LEKR1: variants seen among roughly 807,000 people sequenced by gnomAD.
LEKR1 encodes protein LEKR1.
In LEKR1, 59 loss-of-function variants were observed where a neutral mutation model predicts 72.4. The ratio of observed to expected loss-of-function variants is 0.82; its 90% CI spans 0.66 to 1.01. LEKR1 has a LOEUF of 1.01. Among genes scored for constraint, LEKR1 ranks in the 50% least tolerant of loss-of-function variants. The probability of loss-of-function intolerance (pLI) is 0.00; values close to 1 mark genes in which losing one functional copy is unlikely to be tolerated. For missense variants in LEKR1, 728 were observed against 759.2 expected, an observed-to-expected ratio of 0.96 and a Z score of 0.48; for synonymous variants, 257 against 263.2, an observed-to-expected ratio of 0.98 and a Z score of 0.23.
At chr3:156,834,034 GC>G (rs1160027391) in intron 2 of LEKR1, among the ~76,000 whole-genome samples, 1 of 151,648 alleles carries the variant, frequency 6.6e-6, no homozygotes, top group Non-Finnish European at 1.5e-5. Context: ...TTAATGTTAG[GC>G]CCAATTTTTT....
chr3:156,911,424 T>C (rs1723100061), intron 3 of LEKR1, among the ~76,000 whole-genome samples: 1 of 152,170 alleles, frequency 6.6e-6, no homozygotes. Flanking sequence ...GATGCATAGT[T>C]TGTGAATGTT....
chr3:157,010,876 C>A (rs141466468), intron 9 of LEKR1, among the ~76,000 whole-genome samples: 2 of 152,118 alleles, frequency 1.3e-5, no homozygotes, highest in East Asian at 3.9e-4. Flanking sequence ...TATATTGCAT[C>A]CCCGACATCA....
chr3:156,840,586 C>T (rs1372311533), intron 2 of LEKR1, among the ~76,000 whole-genome samples: 1 of 152,180 alleles, frequency 6.6e-6, no homozygotes, highest in Non-Finnish European at 1.5e-5. Flanking sequence ...AATTTGCAGT[C>T]AGCTCTCAGA....
chr3:157,040,998 C>A (rs1287667945), intron 12 of LEKR1, among the ~76,000 whole-genome samples: 1 of 152,170 alleles, frequency 6.6e-6, no homozygotes, highest in Non-Finnish European at 1.5e-5. Flanking sequence ...TAAAAATAAA[C>A]CACTCTTATA....
chr3:156,987,059 ATTG>A (rs1730757222), intron 7 of LEKR1, among the ~76,000 whole-genome samples: 1 of 151,646 alleles, frequency 6.6e-6, no homozygotes, highest in African/African-American at 2.4e-5. Flanking sequence ...ATTGTATTGT[ATTG>A]TATTGTATTG....
At chr3:156,966,523 G>A (rs958315939) in intron 6 of LEKR1, among the ~76,000 whole-genome samples, 42 of 152,168 alleles carry the variant, frequency 2.8e-4, no homozygotes, top group African/African-American at 8.0e-4. Context: ...ATGGAGCCTC[G>A]CTCATTGCTA....
intron 11 of LEKR1, among the ~76,000 whole-genome samples, chr3:157,027,817 G>A (rs1007626639): frequency 4.6e-5 from 7 of 151,630 alleles, no homozygotes; most frequent in African/African-American, 1.7e-4. Flanking sequence ...GCAAGACCCT[G>A]TCTCAAAAAA....
rs116825856 is a variant in LEKR1 at position 157,038,797 on chromosome 3, T to A, written c.1669-6543T>A. ...AGTTAGTAAGTACAGTATGTCCTCATAGATGTAGGGCAGCCTCCCCATGCA... is the reference window on the plus strand; with the variant it reads ...AGTTAGTAAGTACAGTATGTCCTCAAAGATGTAGGGCAGCCTCCCCATGCA... On this transcript the variant is annotated intron_variant, in intron 12 of 12. Coordinates refer to ENST00000356539, the MANE Select transcript of LEKR1 (RefSeq NM_001004316.3). Among the ~76,000 whole-genome samples the A allele has an allele frequency of 4.6e-4, 70 of 152,340 alleles. No homozygotes were observed. The South Asian group carries it at 0.014, about 30-fold the overall frequency.
intron 11 of LEKR1, among the ~76,000 whole-genome samples, chr3:157,026,779 A>G (rs1278861537): frequency 6.6e-6 from 1 of 152,246 alleles, no homozygotes; most frequent in Non-Finnish European, 1.5e-5. Flanking sequence ...TAACATGACA[A>G]TAATTGAGCA....
intron 3 of LEKR1, among the ~76,000 whole-genome samples, chr3:156,909,655 CA>C (rs10662704): frequency 4.9e-4 from 50 of 101,824 alleles, no homozygotes; most frequent in East Asian, 2.8e-3. Context: ...GAGTCTGTCT[CA>C]AAAAAAAAAA....
intron 12 of LEKR1, among the ~76,000 whole-genome samples, chr3:157,033,362 A>G (rs1194128492): frequency 6.6e-6 from 1 of 152,238 alleles, no homozygotes; most frequent in African/African-American, 2.4e-5. Flanking sequence ...CTTGAAGGCA[A>G]TAAAAGTGCT....
At chr3:157,031,512 T>C (rs1284834546) in intron 12 of LEKR1, among the ~76,000 whole-genome samples, 1 of 152,066 alleles carries the variant, frequency 6.6e-6, no homozygotes, top group African/African-American at 2.4e-5. Context: ...TAAGGCTGCT[T>C]CTCTGGCTAA....
chr3:156,883,294 C>T (rs1181361811), intron 3 of LEKR1, among the ~76,000 whole-genome samples: 1 of 152,140 alleles, frequency 6.6e-6, no homozygotes, highest in African/African-American at 2.4e-5. Context: ...CCTGCACCCC[C>T]ATTGTATCTA....
intron 2 of LEKR1, among the ~76,000 whole-genome samples, chr3:156,839,074 G>C (rs966130272): frequency 6.6e-6 from 1 of 152,216 alleles, no homozygotes; most frequent in South Asian, 2.1e-4. Context: ...TGAGCACCAG[G>C]ATTTAAGGAA....
chr3:156,947,510 A>G (rs1726790003), intron 6 of LEKR1, among the ~76,000 whole-genome samples: 1 of 151,182 alleles, frequency 6.6e-6, no homozygotes, highest in Admixed American at 6.6e-5. Context: ...AATGCTGGCA[A>G]CACAGCAGAT....
intron 12 of LEKR1, among the ~76,000 whole-genome samples, chr3:157,033,270 G>A (rs952245079): frequency 1.3e-5 from 2 of 152,166 alleles, no homozygotes; most frequent in African/African-American, 4.8e-5. Context: ...GCTTAGCAAG[G>A]AAAGCAAATC....
At chr3:156,871,930 A>T (rs1213920751) in intron 3 of LEKR1, among the ~76,000 whole-genome samples, 1 of 151,844 alleles carries the variant, frequency 6.6e-6, no homozygotes, top group Non-Finnish European at 1.5e-5. Flanking sequence ...TGTTTTTTTT[A>T]TCAGGGTAAT....
At chr3:156,877,157 A>G (rs1718695346) in intron 3 of LEKR1, among the ~76,000 whole-genome samples, 1 of 152,248 alleles carries the variant, frequency 6.6e-6, no homozygotes, top group Non-Finnish European at 1.5e-5. Flanking sequence ...TATCTCTGAT[A>G]TGAAACCTAA....
chr3:156,860,753 T>G (rs1716670989), intron 3 of LEKR1, among the ~76,000 whole-genome samples: 2 of 152,164 alleles, frequency 1.3e-5, no homozygotes. Context: ...GTGGCTTAAA[T>G]GGACAAAGGT....
Sources: allele counts gnomAD v4.1 joint callset (sites outside exome capture counted in the v4.1 genomes callset), GRCh38; gene constraint gnomAD v4.1.1; transcripts MANE v1.5; gene names NCBI Gene and HGNC (gene_info 2026-07-23, HGNC 2026-07-21).